Variants in HS3ST5 observed in about 807,000 individuals in gnomAD.
HS3ST5 encodes heparan sulfate glucosamine 3-O-sulfotransferase 5.
HS3ST5 carries 10 observed loss-of-function variants against 25.4 expected under a neutral mutation model. The ratio of observed to expected loss-of-function variants is 0.39; its 90% CI spans 0.24 to 0.67. HS3ST5 has a LOEUF of 0.67. HS3ST5 is among the 30% of genes least tolerant of loss of function. The pLI is 0.44. For missense variants in HS3ST5, 324 were observed against 420.7 expected (o/e 0.77, Z 2.01); for synonymous variants, 170 against 162.4 (o/e 1.05, Z -0.36).
intron 3 of HS3ST5, among the ~76,000 whole-genome samples, chr6:114,070,005 C>G (rs1773711495): frequency 6.6e-6 from 1 of 151,868 alleles, no homozygotes; most frequent in Non-Finnish European, 1.5e-5. Flanking sequence ...ATGGATAAAT[C>G]CTCTAGTGGA....
intron 2 of HS3ST5, among the ~76,000 whole-genome samples, chr6:114,224,695 T>TGTAC: frequency 9.5e-6 from 1 of 105,424 alleles, no homozygotes; most frequent in East Asian, 3.1e-4. Flanking sequence ...TACATATATA[T>TGTAC]ATATACACAC....
chr6:114,234,781 T>A (rs966469131), intron 1 of HS3ST5, among the ~76,000 whole-genome samples: 1 of 152,184 alleles, frequency 6.6e-6, no homozygotes, highest in Non-Finnish European at 1.5e-5. Flanking sequence ...TTGACAAAAT[T>A]GTGTTTATTC....
intron 1 of HS3ST5, among the ~76,000 whole-genome samples, chr6:114,265,937 T>C (rs948312568): frequency 1.3e-5 from 2 of 152,190 alleles, no homozygotes; most frequent in South Asian, 2.1e-4. Context: ...TTTGGACTTA[T>C]GAATAAACTC....
At chr6:114,291,592 G>A (rs1774581175) in intron 1 of HS3ST5, among the ~76,000 whole-genome samples, 1 of 152,150 alleles carries the variant, frequency 6.6e-6, no homozygotes, top group Admixed American at 6.5e-5. Flanking sequence ...GCATTAGTGA[G>A]CTCTTTGTAA....
intron 2 of HS3ST5, among the ~76,000 whole-genome samples, chr6:114,188,778 T>G (rs559189743): frequency 6.6e-6 from 1 of 152,310 alleles, no homozygotes; most frequent in East Asian, 1.9e-4. Context: ...TCTCTCAGTA[T>G]AATTGGGTCA....
intron 1 of HS3ST5, among the ~76,000 whole-genome samples, chr6:114,260,403 T>C (rs1402083244): frequency 6.6e-6 from 1 of 152,230 alleles, no homozygotes; most frequent in East Asian, 1.9e-4. Flanking sequence ...CTATAAATAA[T>C]GCTTAAAATA....
intron 3 of HS3ST5, among the ~76,000 whole-genome samples, chr6:114,063,943 C>G (rs1032382739): frequency 7.2e-5 from 11 of 152,172 alleles, no homozygotes; most frequent in Non-Finnish European, 1.5e-4. Flanking sequence ...CCTGGAAGCT[C>G]TGTTCTCATA....
At chr6:114,191,817 GA>G (rs1331022175) in intron 2 of HS3ST5, among the ~76,000 whole-genome samples, 1 of 152,094 alleles carries the variant, frequency 6.6e-6, no homozygotes, top group African/African-American at 2.4e-5. Flanking sequence ...CAGACCGCTT[GA>G]TTAGATTCCT....
At chr6:114,155,424 G>GA (rs1288819245) in intron 3 of HS3ST5, among the ~76,000 whole-genome samples, 1 of 151,468 alleles carries the variant, frequency 6.6e-6, no homozygotes, top group Non-Finnish European at 1.5e-5. Context: ...TCAAAACTTG[G>GA]AAAAAAGAGA....
intron 1 of HS3ST5, among the ~76,000 whole-genome samples, chr6:114,249,871 A>G (rs1486606613): frequency 2.0e-5 from 3 of 152,210 alleles, no homozygotes; most frequent in African/African-American, 7.2e-5. Flanking sequence ...CATGGAGTCT[A>G]TTTCCAAGGA....
chr6:114,091,902 C>T (rs548630808), intron 3 of HS3ST5, among the ~76,000 whole-genome samples: 2 of 152,266 alleles, frequency 1.3e-5, no homozygotes, highest in South Asian at 4.2e-4. Context: ...CTGGTAGAGA[C>T]TTGCAGGAGG....
At chr6:114,313,924 T>TTTTG (rs142229669) in intron 1 of HS3ST5, among the ~76,000 whole-genome samples, 2 of 151,576 alleles carry the variant, frequency 1.3e-5, no homozygotes, top group East Asian at 1.9e-4. Flanking sequence ...CTAACCCCCA[T>TTTTG]TTTGTTTGTT....
intron 1 of HS3ST5, among the ~76,000 whole-genome samples, chr6:114,256,204 C>T (rs1404480984): frequency 6.6e-6 from 1 of 152,036 alleles, no homozygotes; most frequent in Non-Finnish European, 1.5e-5. Context: ...TTGGCTAACA[C>T]AGTGAAACCT....
rs11285295 is a variant in HS3ST5 at position 114,233,059 on chromosome 6, CTT to C, written c.-338-4283_-338-4282del. Reference sequence around the variant, plus strand: ...CTCATCTCCCTAGATGACAGACACTCTTTTTTTTTTTTTTCATTTTTAGATAC... The same window carrying C: ...CTCATCTCCCTAGATGACAGACACTCTTTTTTTTTTTTCATTTTTAGATAC... On this transcript the variant is annotated intron_variant, in intron 1 of 4. Transcript: ENST00000312719. Among the ~76,000 whole-genome samples, 616 of 144,106 alleles carry C rather than the reference CTT, an allele frequency of 4.3e-3. 3 individuals are homozygous for C. Among genetic ancestry groups the C allele is most frequent in the South Asian group, 0.017 (78 of 4,512 alleles). The allele number at this position is 144,106 out of a possible 152,430, so 94.5% of individuals were successfully genotyped here.
chr6:114,160,790 T>C (rs1033510525), intron 3 of HS3ST5, among the ~76,000 whole-genome samples: 2 of 152,154 alleles, frequency 1.3e-5, no homozygotes, highest in Non-Finnish European at 2.9e-5. Context: ...AGAAATATGT[T>C]ACTCAGCTAT....
chr6:114,157,297 C>T (rs1480979069), intron 3 of HS3ST5, among the ~76,000 whole-genome samples: 2 of 152,224 alleles, frequency 1.3e-5, no homozygotes, highest in Non-Finnish European at 2.9e-5. Context: ...GGTCTTCCTG[C>T]CTCCTGTCTC....
intron 3 of HS3ST5, among the ~76,000 whole-genome samples, chr6:114,068,294 G>A (rs144101671): frequency 1.3e-5 from 2 of 152,104 alleles, no homozygotes; most frequent in African/African-American, 4.8e-5. Flanking sequence ...TGCCAAGCCA[G>A]AAGTTTCTAA....
At chr6:114,260,421 G>C (rs1773120524) in intron 1 of HS3ST5, among the ~76,000 whole-genome samples, 1 of 152,150 alleles carries the variant, frequency 6.6e-6, no homozygotes, top group Non-Finnish European at 1.5e-5. Context: ...ATAATTATAA[G>C]ACTTCGTAAA....
intron 3 of HS3ST5, among the ~76,000 whole-genome samples, chr6:114,136,185 C>T (rs984557816): frequency 1.3e-5 from 2 of 152,182 alleles, no homozygotes; most frequent in African/African-American, 2.4e-5. Context: ...GGCTGTGTCC[C>T]CACCTAAATC....
Sources: allele counts gnomAD v4.1 joint callset (sites outside exome capture counted in the v4.1 genomes callset), GRCh38; gene constraint gnomAD v4.1.1; transcripts MANE v1.5; gene names NCBI Gene and HGNC (gene_info 2026-07-23, HGNC 2026-07-21).